Variants in TMCO5A observed in about 807,000 individuals in gnomAD.
TMCO5A encodes the protein transmembrane and coiled-coil domain-containing protein 5A.
TMCO5A carries 34 observed loss-of-function variants against 42.3 expected under a neutral mutation model. The observed-to-expected ratio is 0.80, with a 90% CI of 0.61 to 1.07. The LOEUF (loss-of-function observed/expected upper bound fraction) is 1.07, where lower values mean the gene tolerates loss of function less well. TMCO5A is among the 50% of genes least tolerant of loss of function. The pLI, the probability that TMCO5A is intolerant of heterozygous loss-of-function variation, is 0.00. For synonymous variants in TMCO5A, 131 were observed against 115.6 expected (o/e 1.13, Z -0.86); for missense variants, 357 against 327.9 (o/e 1.09, Z -0.69).
At chr15:38,019,773 A>AT in the TMCO5A span, among the ~76,000 whole-genome samples, 27,591 of 143,672 alleles carry the variant, frequency 0.19, 2,721 homozygotes, top group South Asian at 0.25. Context: ...TGTCTGGCTA[A>AT]TTTTTTTTTT....
chr15:38,031,001 G>A, the TMCO5A span, among the ~76,000 whole-genome samples: 1 of 152,204 alleles, frequency 6.6e-6, no homozygotes, highest in Admixed American at 6.5e-5. Context: ...AGGTCAAGGT[G>A]TAAGTAGATC....
intron 2 of TMCO5A, chr15:37,935,973 A>C (rs976117808): frequency 1.2e-5 from 2 of 166,152 alleles, no homozygotes; most frequent in African/African-American, 4.8e-5. Context: ...GGTTTTGTGA[A>C]TAGTTTATCT....
At chr15:37,980,637 CAAAAAAAAAAAAA>C in the TMCO5A span, among the ~76,000 whole-genome samples, 8 of 83,146 alleles carry the variant, frequency 9.6e-5, no homozygotes, top group South Asian at 6.4e-4. Context: ...GCCATCTTGG[CAAAAAAAAAAAAA>C]AAAAAAAAAA....
At chr15:37,943,686 T>C (rs910649576) in intron 10 of TMCO5A, 4 of 364,872 alleles carry the variant, frequency 1.1e-5, no homozygotes, top group Non-Finnish European at 2.0e-5. Flanking sequence ...ATTGAGGGTA[T>C]GCTCTATAGA....
At chr15:37,947,236 C>A (rs1889997169) in intron 10 of TMCO5A, among the ~76,000 whole-genome samples, 3 of 151,882 alleles carry the variant, frequency 2.0e-5, no homozygotes, top group Admixed American at 6.6e-5. Flanking sequence ...TTTTTTATAG[C>A]TTTTAAGACT....
At chr15:37,950,431 T>C (rs1890118685) in intron 11 of TMCO5A, among the ~76,000 whole-genome samples, 1 of 152,114 alleles carries the variant, frequency 6.6e-6, no homozygotes, top group Non-Finnish European at 1.5e-5. Context: ...GTTGGGAGGA[T>C]ACATAACAAT....
chr15:38,034,132 A>G, the TMCO5A span, among the ~76,000 whole-genome samples: 1 of 152,318 alleles, frequency 6.6e-6, no homozygotes, highest in South Asian at 2.1e-4. Context: ...ACTGTGTGGC[A>G]GAAAAGATGG....
At chr15:37,968,364 G>A (rs1331061567), downstream of TMCO5A, among the ~76,000 whole-genome samples, 1 of 151,968 alleles carries the variant, frequency 6.6e-6, no homozygotes, top group Non-Finnish European at 1.5e-5. Context: ...CCACCCAAAC[G>A]CAAACAGCTC....
Position 37,951,338 on chromosome 15 carries a change from C to T in TMCO5A, c.*104C>T, listed in dbSNP as rs910032857. ...GAAAGAGATTTGCTTCAGTTTTTTC[C>T]TCACCGTTTGCCTGCTTGACTACCT... On this transcript the variant is annotated 3_prime_UTR_variant, in exon 12 of 12. Transcript: ENST00000319669. 1 of 1,177,414 alleles carries T rather than the reference C, an allele frequency of 8.5e-7. No individual in the cohort carries two copies. The highest frequency in any genetic ancestry group is 2.4e-5 in the East Asian group (1 of 41,466). 72.9% of individuals were successfully genotyped at this position (1,177,414 alleles called of 1,614,324 possible).
the TMCO5A span, among the ~76,000 whole-genome samples, chr15:38,005,707 G>A: frequency 6.6e-6 from 1 of 152,042 alleles, no homozygotes; most frequent in Admixed American, 6.6e-5. Context: ...GCAGTGTGAG[G>A]AAAAAAAGAC....
chr15:37,978,854 G>A, the TMCO5A span, among the ~76,000 whole-genome samples: 1 of 152,114 alleles, frequency 6.6e-6, no homozygotes, highest in African/African-American at 2.4e-5. Flanking sequence ...TCTGCTTCTG[G>A]GGAGGCCTCA....
intron 3 of TMCO5A, among the ~76,000 whole-genome samples, 178 bp downstream of exon 3, chr15:37,936,641 C>A (rs1310377107): frequency 6.6e-6 from 1 of 152,086 alleles, no homozygotes; most frequent in African/African-American, 2.4e-5. Context: ...CAAATAGATT[C>A]CTAAAAGATG....
chr15:37,978,957 C>G, the TMCO5A span, among the ~76,000 whole-genome samples: 1 of 151,778 alleles, frequency 6.6e-6, no homozygotes, highest in Non-Finnish European at 1.5e-5. Flanking sequence ...TTGCCACACA[C>G]TTTTTAAAAA....
At chr15:38,009,920 C>T in the TMCO5A span, among the ~76,000 whole-genome samples, 2 of 152,032 alleles carry the variant, frequency 1.3e-5, no homozygotes, top group Non-Finnish European at 2.9e-5. Flanking sequence ...AGAATGCCCC[C>T]CCAAAAATTA....
the TMCO5A span, among the ~76,000 whole-genome samples, chr15:37,989,020 T>A: frequency 2.0e-5 from 3 of 152,002 alleles, no homozygotes; most frequent in Non-Finnish European, 4.4e-5. Context: ...TCTTACTACT[T>A]ATAGGTATAT....
At chr15:37,960,007 A>G (rs1890382665) in intron 11 of TMCO5A, among the ~76,000 whole-genome samples, 2 of 151,970 alleles carry the variant, frequency 1.3e-5, no homozygotes, top group South Asian at 4.1e-4. Flanking sequence ...AACATACAAA[A>G]ATCAGTAACT....
At chr15:37,942,479 C>G (rs1889782796) in intron 9 of TMCO5A, 8 of 496,802 alleles carry the variant, frequency 1.6e-5, no homozygotes, top group South Asian at 3.7e-5. Context: ...ACACATCTCC[C>G]TTCGTAATGT....
intron 8 of TMCO5A, 86 bp downstream of exon 8, chr15:37,941,816 G>A (rs1475620418): frequency 1.7e-6 from 2 of 1,197,208 alleles, no homozygotes; most frequent in African/African-American, 1.5e-5. Context: ...CTACTGTCCA[G>A]AGCAATTTCA....
the TMCO5A span, among the ~76,000 whole-genome samples, chr15:38,022,029 C>G: frequency 6.6e-6 from 1 of 152,034 alleles, no homozygotes; most frequent in Admixed American, 6.6e-5. Context: ...CCAGGATGGT[C>G]TCGATCTCCT....
Sources: gnomAD v4.1 joint callset for allele counts (sites outside exome capture counted in the v4.1 genomes callset) on GRCh38, gnomAD v4.1.1 for gene constraint, MANE v1.5 for transcripts, NCBI Gene and HGNC (gene_info 2026-07-23, HGNC 2026-07-21) for gene names.